The following ASCC2 variants were observed in gnomAD, a reference collection of about 807,000 sequenced individuals.
The protein encoded by ASCC2 is ASC-1 complex subunit P100.
In ASCC2, 42 loss-of-function variants were observed where a neutral mutation model predicts 93.5. That is an observed-to-expected ratio of 0.45 (90% CI 0.35 to 0.58). The LOEUF (loss-of-function observed/expected upper bound fraction) is 0.58. Among genes scored for constraint, ASCC2 ranks in the 20% least tolerant of loss-of-function variants. The pLI, the probability that ASCC2 is intolerant of heterozygous loss-of-function variation, is 0.00. For missense variants in ASCC2, 859 were observed against 977.6 expected, an observed-to-expected ratio of 0.88 and a Z score of 1.62; for synonymous variants, 364 against 384.2, an observed-to-expected ratio of 0.95 and a Z score of 0.62.
chr22:29,792,469 G>T lies in ASCC2; in HGVS notation c.1986C>A (p.Asp662Glu). 1 of 1,613,890 alleles carries T rather than the reference G, an allele frequency of 6.2e-7. No individual in the cohort carries two copies. Among genetic ancestry groups the T allele is most frequent in the Non-Finnish European group, 8.5e-7 (1 of 1,179,870 alleles). The change falls in exon 18 of 20, where the codon GAC becomes GAA. Residue 662 changes from aspartate (D) to glutamate (E), a missense_variant. By Grantham distance (45) the Asp-to-Glu change is conservative. Transcript: ENST00000307790. ...CCTCGTCAGCATCGTCTTCCTCATC[G>T]TCGTCATCCTCCTCCTGCCCTTCTC... is the stretch of plus-strand genomic sequence containing the variant. The part of the protein sequence containing the change: ...VPREGQEEDD[D>E]DEEDDADEEA...
rs150495751 is a variant in ASCC2 at position 29,796,299 on chromosome 22, T to C, written c.1689-2623A>G. Among the ~76,000 whole-genome samples, 207 of 152,142 alleles carry C rather than the reference T, an allele frequency of 1.4e-3. 1 individual carries two copies. The highest frequency in any genetic ancestry group is 4.9e-3 in the African/African-American group (202 of 41,498). Reference sequence around the variant, plus strand: ...AATTTTTTGTATTTTTTTTTAGTAGTCTTTATTAAGGACCTTCTCTGTGCC... The same window carrying C: ...AATTTTTTGTATTTTTTTTTAGTAGCCTTTATTAAGGACCTTCTCTGTGCC... On this transcript the variant is annotated intron_variant, in intron 15 of 19. Coordinates refer to ENST00000307790, the MANE Select transcript of ASCC2 (RefSeq NM_032204.5).
In ASCC2 at chr22:29,808,163, C is replaced by T. The variant is rs2059897737; in HGVS notation, c.856G>A (p.Ala286Thr). The stretch of plus-strand genomic sequence containing the variant: ...ATTGCAGACTCCATTTCGGGAATTG[C>T]TGCTTCGTAGAAGGAAGCTAGTCTG... ...CYRLASFYEAAIPEMESAIKK... is the reference protein window; with the variant it reads ...CYRLASFYEATIPEMESAIKK... The change falls in exon 9 of 20, where the codon GCA (alanine) becomes ACA (threonine). Residue 286 changes from alanine to threonine, a missense_variant. By Grantham distance (58) the Ala-to-Thr change is moderately conservative (BLOSUM62 0). Transcript: ENST00000307790. 1.9e-6 allele frequency: 3 copies of T among 1,614,112 alleles called. No homozygotes were observed. Among genetic ancestry groups the T allele is most frequent in the Non-Finnish European group, 2.5e-6 (3 of 1,180,032 alleles).
At position 29,806,472 on chromosome 22, in the gene ASCC2, C is replaced by T; in HGVS notation, c.1085+13G>A. The T allele has an allele frequency of 6.2e-7, 1 of 1,613,524 alleles. No individual in the cohort carries two copies. Among genetic ancestry groups the T allele is most frequent in the Non-Finnish European group, 8.5e-7 (1 of 1,179,618 alleles). On this transcript the variant is annotated intron_variant, in intron 11 of 19. Transcript: ENST00000307790. ...GGAGGGTCATGGGCCCAGGCCAGCT[C>T]AGCCACACTCACCTCTTCTCCTGCA...
intron 2 of ASCC2, among the ~76,000 whole-genome samples, chr22:29,831,432 G>A (rs1034010692): frequency 2.6e-5 from 4 of 152,190 alleles, no homozygotes; most frequent in African/African-American, 9.7e-5. Flanking sequence ...TAATCCGGGT[G>A]AAGTGTTTAG....
intron 13 of ASCC2, among the ~76,000 whole-genome samples, chr22:29,802,501 AAAAT>A (rs916447957): frequency 1.3e-5 from 2 of 151,900 alleles, no homozygotes; most frequent in African/African-American, 4.8e-5. Flanking sequence ...ACAAAAAAAA[AAAAT>A]AAAAAAAATT....
intron 2 of ASCC2, among the ~76,000 whole-genome samples, chr22:29,826,822 G>T (rs1164790131): frequency 6.6e-6 from 1 of 152,002 alleles, no homozygotes; most frequent in Non-Finnish European, 1.5e-5. Flanking sequence ...TAAAGGCCAG[G>T]CACAGTGGCT....
At chr22:29,838,154 G>T in intron 1 of ASCC2, 24 bp downstream of exon 1, 2 of 462,596 alleles carry the variant, frequency 4.3e-6, no homozygotes, top group South Asian at 3.1e-5. Flanking sequence ...CCCTGCATCT[G>T]GCAGGGACCA....
At chr22:29,813,390 G>T in intron 8 of ASCC2, 40 bp downstream of exon 8, 3 of 1,331,194 alleles carry the variant, frequency 2.3e-6, no homozygotes, top group Non-Finnish European at 3.3e-6. Context: ...TAGTACATAA[G>T]CCAGTATCTC....
intron 15 of ASCC2, among the ~76,000 whole-genome samples, chr22:29,798,916 T>C (rs1189214138): frequency 1.3e-5 from 2 of 152,254 alleles, no homozygotes; most frequent in Non-Finnish European, 2.9e-5. Flanking sequence ...CTCTTTGCAA[T>C]CTGCAGCCCC....
rs373702920 is a variant in ASCC2 at position 29,801,964 on chromosome 22, C to T, written c.1568+30G>A. On this transcript the variant is annotated intron_variant, in intron 14 of 19. Coordinates refer to ENST00000307790, the MANE Select transcript of ASCC2 (RefSeq NM_032204.5). Reference sequence around the variant, plus strand: ...CCCCACCCCGAGGCAGCCTGGGCAGCGGGAGCCTCCTCCCACCTGTCTCTC... The same window carrying T: ...CCCCACCCCGAGGCAGCCTGGGCAGTGGGAGCCTCCTCCCACCTGTCTCTC... The T allele has an allele frequency of 4.2e-4, 648 of 1,549,000 alleles. 2 individuals are homozygous for T. In the African/African-American group the frequency reaches 7.9e-3, roughly 19 times the overall value.
intron 1 of ASCC2, 25 bp from the exon 2 acceptor site, chr22:29,832,367 A>G: frequency 6.4e-7 from 1 of 1,565,352 alleles, no homozygotes; most frequent in South Asian, 1.1e-5. Context: ...GATGGGAAGA[A>G]GAGAGCAGAC....
rs770587017 is a variant in ASCC2, at chr22:29,825,777, G to T, written c.85C>A (p.Pro29Thr). 1.2e-6 allele frequency: 2 copies of T among 1,604,762 alleles called. No individual in the cohort carries two copies. The highest frequency in any genetic ancestry group is 2.2e-5 in the East Asian group (1 of 44,640). ...AAATACCGGTCTGCCTTCTGCTCGG[G>T]GTGCTACGGATCCAAAAACCACGTG... ...GKLRTSPALH[P>T]EQKADRYFVL... is the part of the protein sequence containing the mutation. Residue 29 changes from proline to threonine, a missense_variant, in exon 3 of 20, where the codon CCC (proline) becomes ACC (threonine). Physicochemically the swap from Pro to Thr is conservative, Grantham distance 38. Transcript: ENST00000307790. The surrounding 1 kb of genome is among the most constrained non-coding windows in gnomAD (Gnocchi z 4.9).
rs2068446528 is a variant in ASCC2 at position 29,788,650 on chromosome 22, GT to G, written c.*362del. Reference sequence around the variant, plus strand: ...AAATTTTATTAGCAGGACTTTTTGTGTTTTTGAATATACAGGTTTCCTGCTG... The same window carrying G: ...AAATTTTATTAGCAGGACTTTTTGTGTTTTGAATATACAGGTTTCCTGCTG... On this transcript the variant is annotated 3_prime_UTR_variant, in exon 20 of 20. Transcript: ENST00000307790. The G allele has an allele frequency of 7.6e-6, 2 of 264,316 alleles. No individual in the cohort carries two copies. The highest frequency in any genetic ancestry group is 5.4e-5 in the South Asian group (1 of 18,474). The allele number at this position is 264,316 out of a possible 1,614,324, so 16.4% of individuals were successfully genotyped here.
intron 15 of ASCC2, chr22:29,799,405 C>A (rs1217227797): frequency 6.6e-6 from 1 of 152,520 alleles, no homozygotes; most frequent in Non-Finnish European, 1.5e-5. Flanking sequence ...GTCCAGCCAG[C>A]CAGACGGCTT....
chr22:29,805,604 T>C (rs1260987067), intron 12 of ASCC2, among the ~76,000 whole-genome samples: 1 of 152,178 alleles, frequency 6.6e-6, no homozygotes, highest in Admixed American at 6.5e-5. Context: ...GCTGTGCACG[T>C]TGCTGGCCTT....
chr22:29,818,035 TA>T (rs985002952), intron 5 of ASCC2, among the ~76,000 whole-genome samples: 102 of 135,102 alleles, frequency 7.5e-4, no homozygotes, highest in African/African-American at 1.1e-3. Context: ...CCTTGAAAGT[TA>T]AAAAAAAAAA....
chr22:29,820,909 TACACA>T (rs2061475126), intron 5 of ASCC2, among the ~76,000 whole-genome samples: 1 of 42,258 alleles, frequency 2.4e-5, no homozygotes, highest in African/African-American at 1.1e-4. Context: ...TCCATCTCAA[TACACA>T]AAAAAAAAAA....
chr22:29,821,109 G>GGC (rs1193210350), intron 5 of ASCC2, among the ~76,000 whole-genome samples: 1 of 152,094 alleles, frequency 6.6e-6, no homozygotes, highest in Non-Finnish European at 1.5e-5. Context: ...AATTCACTGG[G>GGC]GCGCTCCCTC....
intron 14 of ASCC2, among the ~76,000 whole-genome samples, chr22:29,801,341 C>T (rs2059054939): frequency 1.3e-5 from 2 of 152,184 alleles, no homozygotes; most frequent in African/African-American, 4.8e-5. Flanking sequence ...TCTCTGCATG[C>T]CATTCACACA....
Sources: gnomAD v4.1 joint callset for allele counts (sites outside exome capture counted in the v4.1 genomes callset) on GRCh38, gnomAD v4.1.1 for gene constraint, Gnocchi (gnomAD v3.1) non-coding constraint, MANE v1.5 for transcripts, NCBI Gene and HGNC (gene_info 2026-07-23, HGNC 2026-07-21) for gene names.